The following NTM variants were observed in gnomAD, a reference collection of about 807,000 sequenced individuals.
NTM encodes neurotrimin.
Under a neutral mutation model 42.1 loss-of-function variants are expected in NTM, and 13 were observed. The ratio of observed to expected loss-of-function variants is 0.31; its 90% CI spans 0.20 to 0.49. NTM has a LOEUF of 0.49. Ranked by LOEUF, NTM falls within the 20% of genes least tolerant of loss-of-function variation. NTM has a pLI of 0.99. For missense variants in NTM, 373 were observed against 452.8 expected, an observed-to-expected ratio of 0.82 and a Z score of 1.60; for synonymous variants, 187 against 179.2, an observed-to-expected ratio of 1.04 and a Z score of -0.35.
At chr11:131,447,809 C>T (rs1012772101) in intron 1 of NTM, among the ~76,000 whole-genome samples, 1 of 152,140 alleles carries the variant, frequency 6.6e-6, no homozygotes, top group Non-Finnish European at 1.5e-5. Flanking sequence ...TTTTGCATCT[C>T]CATTTGGGCC....
intron 2 of NTM, among the ~76,000 whole-genome samples, chr11:132,047,697 A>G (rs1005810851): frequency 1.3e-5 from 2 of 152,184 alleles, no homozygotes; most frequent in Non-Finnish European, 2.9e-5. Context: ...TCAGCTACAG[A>G]CACATGCCCT....
chr11:131,833,000 T>C (rs2043015768), intron 1 of NTM, among the ~76,000 whole-genome samples: 1 of 152,226 alleles, frequency 6.6e-6, no homozygotes, highest in African/African-American at 2.4e-5. Flanking sequence ...TATAACATGT[T>C]AGAATTAAAG....
intron 1 of NTM, among the ~76,000 whole-genome samples, chr11:131,862,340 C>A (rs1230904886): frequency 6.6e-6 from 1 of 152,172 alleles, no homozygotes; most frequent in Non-Finnish European, 1.5e-5. Context: ...CAAAAGAAAG[C>A]CATCAGACAA....
chr11:131,853,778 A>G (rs537051673), intron 1 of NTM, among the ~76,000 whole-genome samples: 10 of 152,310 alleles, frequency 6.6e-5, no homozygotes, highest in Non-Finnish European at 1.0e-4. Context: ...TTGCTGGATC[A>G]AGTGATATTT....
Position 131,774,213 on chromosome 11 carries a change from C to G in NTM, c.83-137351C>G, listed in dbSNP as rs11821569. On this transcript the variant is annotated intron_variant, in intron 1 of 8. Transcript: ENST00000683400. ...ATAGCCTTTATGAGGCTTCTTACCCCTCAGGCACTGATTTTTGCCCCTTAC... is the reference window on the plus strand; with the variant it reads ...ATAGCCTTTATGAGGCTTCTTACCCGTCAGGCACTGATTTTTGCCCCTTAC... 16,557 of 684,242 alleles carry G rather than the reference C, an allele frequency of 0.024. 2,420 individuals carry two copies. The African/African-American group carries it at 0.3, about 12-fold the overall frequency. The allele number at this position is 684,242 out of a possible 1,614,324, so 42.4% of individuals were successfully genotyped here.
At chr11:131,979,485 T>C (rs1168874293) in intron 2 of NTM, among the ~76,000 whole-genome samples, 1 of 152,210 alleles carries the variant, frequency 6.6e-6, no homozygotes, top group Non-Finnish European at 1.5e-5. Context: ...TGGGCAAACC[T>C]CTGGCCAAAG....
At chr11:131,522,989 C>T (rs1374958056) in intron 1 of NTM, among the ~76,000 whole-genome samples, 1 of 152,184 alleles carries the variant, frequency 6.6e-6, no homozygotes, top group African/African-American at 2.4e-5. Context: ...ACTGGGTTAA[C>T]TAGAGGAAAA....
At chr11:131,827,857 G>A (rs1014858384) in intron 1 of NTM, among the ~76,000 whole-genome samples, 1 of 152,078 alleles carries the variant, frequency 6.6e-6, no homozygotes, top group Admixed American at 6.5e-5. Context: ...GTCCATTCTC[G>A]AAGCTGCCCT....
At position 131,546,238 on chromosome 11, in the gene NTM, A is replaced by G. The variant is rs79486185; in HGVS notation, c.82+175350A>G. ...CCCTTCGCTTTAAAATAGGTTGAGT[A>G]TAAGCTTTCTGTATGCATCTGTAAC... On this transcript the variant is annotated intron_variant, in intron 1 of 8. Coordinates refer to ENST00000683400, the MANE Select transcript of NTM (RefSeq NM_001352005.2). Among the ~76,000 whole-genome samples, 1,103 of 152,266 alleles carry G rather than the reference A, an allele frequency of 7.2e-3. 31 individuals are homozygous for G. Among genetic ancestry groups the G allele is most frequent in the Admixed American group, 0.048 (729 of 15,288 alleles).
intron 2 of NTM, among the ~76,000 whole-genome samples, chr11:132,143,234 G>C (rs755695649): frequency 1.3e-5 from 2 of 152,104 alleles, no homozygotes; most frequent in African/African-American, 2.4e-5. Flanking sequence ...AGGTTCTCAG[G>C]GAGCTCTCCA....
At chr11:131,855,419 C>T (rs1171393833) in intron 1 of NTM, among the ~76,000 whole-genome samples, 1 of 152,200 alleles carries the variant, frequency 6.6e-6, no homozygotes, top group African/African-American at 2.4e-5. Flanking sequence ...ATAACTCTGA[C>T]AATTTTCACA....
At chr11:131,649,926 G>A (rs2066260717) in intron 1 of NTM, among the ~76,000 whole-genome samples, 1 of 152,136 alleles carries the variant, frequency 6.6e-6, no homozygotes, top group African/African-American at 2.4e-5. Flanking sequence ...CCTGCCCATA[G>A]GTCAACAGTG....
intron 2 of NTM, among the ~76,000 whole-genome samples, chr11:132,021,723 C>T (rs1234166638): frequency 6.6e-6 from 1 of 152,202 alleles, no homozygotes; most frequent in East Asian, 1.9e-4. Context: ...ACTGAGTTGA[C>T]ATCCAAGGCT....
chr11:131,602,307 TA>T, intron 1 of NTM, among the ~76,000 whole-genome samples: 1 of 152,296 alleles, frequency 6.6e-6, no homozygotes, highest in Non-Finnish European at 1.5e-5. Flanking sequence ...ACTGTGTTAG[TA>T]AGGACAGGGG....
At chr11:131,671,547 C>G in intron 1 of NTM, 2 of 981,050 alleles carry the variant, frequency 2.0e-6, no homozygotes, top group Non-Finnish European at 2.4e-6. Context: ...GCTGGCAGGG[C>G]CTACCGGTGG....
intron 1 of NTM, among the ~76,000 whole-genome samples, chr11:131,543,806 A>T (rs1473188747): frequency 2.6e-5 from 4 of 152,230 alleles, no homozygotes; most frequent in Non-Finnish European, 4.4e-5. Context: ...CTAGCCGCTT[A>T]TGCAGGATGG....
chr11:131,731,786 G>C (rs1300017136), intron 1 of NTM, among the ~76,000 whole-genome samples: 1 of 152,184 alleles, frequency 6.6e-6, no homozygotes, highest in African/African-American at 2.4e-5. Flanking sequence ...AGGAGAAAGG[G>C]CCTCCTCAGC....
intron 1 of NTM, among the ~76,000 whole-genome samples, chr11:131,496,762 C>T (rs1459434499): frequency 6.6e-6 from 1 of 152,210 alleles, no homozygotes; most frequent in Admixed American, 6.5e-5. Context: ...GCCAGGCATG[C>T]TGGCCCAGAC....
chr11:132,136,096 G>A (rs1313799062), intron 2 of NTM, among the ~76,000 whole-genome samples: 1 of 152,206 alleles, frequency 6.6e-6, no homozygotes, highest in Non-Finnish European at 1.5e-5. Flanking sequence ...GTCCACTAGA[G>A]AGAGGAGAGG....
Sources: gnomAD v4.1 joint callset for allele counts (sites outside exome capture counted in the v4.1 genomes callset) on GRCh38, gnomAD v4.1.1 for gene constraint, MANE v1.5 for transcripts, NCBI Gene and HGNC (gene_info 2026-07-23, HGNC 2026-07-21) for gene names.